The following EPB41L2 variants were observed in gnomAD, a reference collection of about 807,000 sequenced individuals.
The protein encoded by EPB41L2 is band 4.1-like protein 2.
A neutral mutation model predicts 113.0 loss-of-function variants in EPB41L2; 43 were observed. The observed-to-expected ratio is 0.38, with a 90% CI of 0.30 to 0.49. The LOEUF is 0.49. Among genes scored for constraint, EPB41L2 ranks in the 20% least tolerant of loss-of-function variants. The pLI is 0.95. For missense variants in EPB41L2, 1,147 were observed against 1,223.4 expected (o/e 0.94, Z 0.93); for synonymous variants, 442 against 436.7 (o/e 1.01, Z -0.15).
In EPB41L2 at chr6:130,885,089, AC is replaced by A. The variant is rs1427184332; in HGVS notation, c.1833+6del. The A allele has an allele frequency of 2.5e-6, 4 of 1,613,866 alleles. No individual in the cohort carries two copies. Among genetic ancestry groups the A allele is most frequent in the Non-Finnish European group, 1.7e-6 (2 of 1,179,940 alleles). ...TTAAAACCACATACTGTGCTAATTT[AC>A]CATACCTTTCCTTCAATGAGCTGCA... On this transcript the variant is annotated splice_donor_region_variant and intron_variant, in intron 12 of 19. Transcript: ENST00000337057.
At position 130,963,578 on chromosome 6, in the gene EPB41L2, C is replaced by T. The variant is rs147252694; in HGVS notation, c.-14-7079G>A. Among the ~76,000 whole-genome samples, 765 of 152,174 alleles carry T rather than the reference C, an allele frequency of 5.0e-3. 5 individuals are homozygous for T. The highest frequency in any genetic ancestry group is 0.018 in the African/African-American group (727 of 41,524). ...CATAATTTTCAATAACATCCAGTTGCAATAACAATCAAGGTAACAATCTTC... is the reference window on the plus strand; with the variant it reads ...CATAATTTTCAATAACATCCAGTTGTAATAACAATCAAGGTAACAATCTTC... On this transcript the variant is annotated intron_variant, in intron 1 of 19. Coordinates refer to ENST00000337057, the MANE Select transcript of EPB41L2 (RefSeq NM_001431.4).
chr6:131,062,103 G>T (rs928532694), intron 1 of EPB41L2, among the ~76,000 whole-genome samples: 2 of 151,986 alleles, frequency 1.3e-5, no homozygotes, highest in African/African-American at 2.4e-5. Flanking sequence ...AAGACTACCC[G>T]GGTCCGTAGG....
At chr6:130,903,383 C>T (rs1796818826) in intron 6 of EPB41L2, among the ~76,000 whole-genome samples, 1 of 141,700 alleles carries the variant, frequency 7.1e-6, no homozygotes, top group Non-Finnish European at 1.5e-5. Context: ...CATTCATATT[C>T]AGCAACAAGT....
intron 1 of EPB41L2, among the ~76,000 whole-genome samples, chr6:131,001,750 C>A (rs553577498): frequency 6.6e-6 from 1 of 152,168 alleles, no homozygotes; most frequent in Admixed American, 6.5e-5. Context: ...TCTTTCCCTA[C>A]CTATAAGTAG....
At chr6:131,044,739 C>T (rs763589773) in intron 1 of EPB41L2, among the ~76,000 whole-genome samples, 9 of 152,150 alleles carry the variant, frequency 5.9e-5, no homozygotes, top group Admixed American at 2.0e-4. Context: ...TAAAAAGTTC[C>T]TCTGCTACCA....
chr6:131,055,343 T>C (rs1584818183), intron 1 of EPB41L2, among the ~76,000 whole-genome samples: 2 of 152,202 alleles, frequency 1.3e-5, no homozygotes, highest in Non-Finnish European at 2.9e-5. Context: ...TATCCTCTGG[T>C]ATATTTTTCT....
intron 1 of EPB41L2, among the ~76,000 whole-genome samples, chr6:130,976,523 C>A (rs1013328770): frequency 1.4e-4 from 22 of 152,136 alleles, no homozygotes; most frequent in African/African-American, 5.3e-4. Context: ...AAGAAAGATA[C>A]TGCATGACCC....
chr6:130,853,527 A>G (rs1779351341), intron 19 of EPB41L2, among the ~76,000 whole-genome samples: 2 of 152,238 alleles, frequency 1.3e-5, no homozygotes, highest in Admixed American at 1.3e-4. Flanking sequence ...GACATTAAAA[A>G]GTTACAAAGA....
chr6:130,870,256 A>C, intron 14 of EPB41L2, 130 bp from the exon 15 acceptor site: 1 of 1,535,558 alleles, frequency 6.5e-7, no homozygotes, highest in South Asian at 1.2e-5. Context: ...GCTGACTGAA[A>C]GGGAAGCGGG....
intron 1 of EPB41L2, among the ~76,000 whole-genome samples, chr6:131,040,796 C>G (rs1476408632): frequency 6.6e-6 from 1 of 152,150 alleles, no homozygotes; most frequent in East Asian, 1.9e-4. Context: ...TGAAAATACC[C>G]TTACCAAAAA....
At chr6:130,879,091 CA>C (rs1165247757) in intron 13 of EPB41L2, among the ~76,000 whole-genome samples, 1 of 152,100 alleles carries the variant, frequency 6.6e-6, no homozygotes, top group Non-Finnish European at 1.5e-5. Flanking sequence ...TTGTTTTAAC[CA>C]AATTTTAAAT....
chr6:130,859,205 C>G (rs1582747464), intron 18 of EPB41L2, among the ~76,000 whole-genome samples: 1 of 152,168 alleles, frequency 6.6e-6, no homozygotes. Context: ...AACAAAACAT[C>G]AGAGAACCCT....
chr6:130,938,693 T>C (rs1421782362), intron 3 of EPB41L2, among the ~76,000 whole-genome samples: 1 of 152,220 alleles, frequency 6.6e-6, no homozygotes, highest in African/African-American at 2.4e-5. Context: ...TTTATTTTTT[T>C]ACTTCTCTTG....
rs527254034 is a variant in EPB41L2 at position 130,954,490 on chromosome 6, T to C, written c.705+615A>G. ...AAACAAGATAATCCATTAAACAAGA[T>C]AATCCATTCAAAGCACTTCACACAG... On this transcript the variant is annotated intron_variant, in intron 3 of 19. Coordinates refer to ENST00000337057, the MANE Select transcript of EPB41L2 (RefSeq NM_001431.4). Among the ~76,000 whole-genome samples the C allele has an allele frequency of 2.6e-5, 4 of 152,300 alleles. No homozygotes were observed. In the East Asian group the frequency reaches 5.8e-4, roughly 22 times the overall value.
chr6:130,882,510 G>T (rs927924776), intron 12 of EPB41L2: 2 of 152,702 alleles, frequency 1.3e-5, no homozygotes, highest in African/African-American at 4.8e-5. Context: ...GCTTACGTAG[G>T]CATGCCAGCA....
chr6:131,052,490 T>C lies in EPB41L2; in HGVS notation c.-15+10665A>G, dbSNP rs372259827. Among the ~76,000 whole-genome samples, 9 of 152,340 alleles carry C rather than the reference T, an allele frequency of 5.9e-5. No individual in the cohort carries two copies. The East Asian group carries it at 1.7e-3, about 29-fold the overall frequency. ...CAAAAGATTATATCATGTTTGATCC[T>C]ACTGGCAAGAATTTCACAGTTTCTA... is the stretch of plus-strand genomic sequence containing the variant. On this transcript the variant is annotated intron_variant, in intron 1 of 19. Transcript: ENST00000337057.
chr6:130,856,374 A>G (rs570840466), intron 19 of EPB41L2, among the ~76,000 whole-genome samples: 17 of 152,364 alleles, frequency 1.1e-4, no homozygotes, highest in African/African-American at 4.1e-4. Context: ...AATGAAAGAA[A>G]GAATGAAAGC....
intron 1 of EPB41L2, among the ~76,000 whole-genome samples, chr6:131,052,088 C>T (rs555445207): frequency 7.2e-5 from 11 of 152,150 alleles, no homozygotes; most frequent in African/African-American, 2.7e-4. Context: ...AGGCGCCCAC[C>T]ACCACACCCA....
intron 1 of EPB41L2, among the ~76,000 whole-genome samples, chr6:130,974,036 T>C (rs946518229): frequency 1.3e-5 from 2 of 152,196 alleles, no homozygotes; most frequent in Non-Finnish European, 2.9e-5. Flanking sequence ...TCCTGCTCTC[T>C]TCTCTTACTC....
Sources: allele counts gnomAD v4.1 joint callset (sites outside exome capture counted in the v4.1 genomes callset), GRCh38; gene constraint gnomAD v4.1.1; transcripts MANE v1.5; gene names NCBI Gene and HGNC (gene_info 2026-07-23, HGNC 2026-07-21).